The following PTBP2 variants were observed in gnomAD, a reference collection of about 807,000 sequenced individuals.
PTBP2 encodes polypyrimidine tract binding protein 2.
PTBP2 carries 13 observed loss-of-function variants against 61.4 expected under a neutral mutation model. The ratio of observed to expected loss-of-function variants is 0.21; its 90% CI spans 0.14 to 0.34. The LOEUF is 0.34. PTBP2 is among the 10% of genes least tolerant of loss of function. The probability of loss-of-function intolerance (pLI) is 1.00; values close to 1 mark genes in which losing one functional copy is unlikely to be tolerated. For synonymous variants in PTBP2, 215 were observed against 218.5 expected (o/e 0.98, Z 0.14); for missense variants, 405 against 642.6 (o/e 0.63, Z 4.00).
intron 2 of PTBP2, among the ~76,000 whole-genome samples, chr1:96,733,469 A>G (rs559519000): frequency 6.6e-6 from 1 of 152,308 alleles, no homozygotes; most frequent in African/African-American, 2.4e-5. Context: ...ACTTGAGCCC[A>G]GGAGTTTGAG....
At chr1:96,792,423 G>A (rs189223041) in intron 8 of PTBP2, among the ~76,000 whole-genome samples, 1 of 152,244 alleles carries the variant, frequency 6.6e-6, no homozygotes, top group East Asian at 1.9e-4. Flanking sequence ...CCGAGCCCTA[G>A]CACTGAAAGC....
exon 14 of PTBP2, chr1:96,821,475 C>T (rs996729915): frequency 1.3e-5 from 2 of 151,848 alleles, no homozygotes; most frequent in Non-Finnish European, 2.9e-5. Flanking sequence ...CATTATTATG[C>T]TTTCAAGTAA....
intron 4 of PTBP2, 80 bp downstream of exon 4, chr1:96,769,955 T>C (rs1358118314): frequency 2.7e-6 from 3 of 1,129,058 alleles, no homozygotes; most frequent in South Asian, 2.3e-5. Flanking sequence ...AGGGAGAAAA[T>C]AGTAGGTTAT....
At chr1:96,758,580 T>C (rs538182020) in intron 3 of PTBP2, among the ~76,000 whole-genome samples, 1 of 152,048 alleles carries the variant, frequency 6.6e-6, no homozygotes, top group African/African-American at 2.4e-5. Context: ...TGTTTAACAT[T>C]TGAAAATGAA....
At chr1:96,796,252 A>G (rs1436540792) in intron 8 of PTBP2, among the ~76,000 whole-genome samples, 2 of 151,182 alleles carry the variant, frequency 1.3e-5, no homozygotes, top group African/African-American at 4.9e-5. Context: ...CAACATTTTG[A>G]GACCAGCCTG....
chr1:96,730,515 G>A (rs1206464304), intron 2 of PTBP2, among the ~76,000 whole-genome samples: 4 of 151,976 alleles, frequency 2.6e-5, no homozygotes, highest in Admixed American at 1.3e-4. Context: ...ATATCTTTCT[G>A]TTATGTATTC....
intron 2 of PTBP2, among the ~76,000 whole-genome samples, chr1:96,735,405 G>A (rs1652034194): frequency 1.3e-5 from 2 of 152,138 alleles, no homozygotes; most frequent in Non-Finnish European, 2.9e-5. Flanking sequence ...GACTTTTATA[G>A]CATTGAACAG....
At chr1:96,743,854 T>G (rs920720993) in intron 2 of PTBP2, among the ~76,000 whole-genome samples, 5 of 152,144 alleles carry the variant, frequency 3.3e-5, no homozygotes, top group Non-Finnish European at 5.9e-5. Flanking sequence ...GCTAAGCAGC[T>G]TGTATGGTGT....
chr1:96,821,072 C>T (rs1045386823), exon 14 of PTBP2: 2 of 152,134 alleles, frequency 1.3e-5, no homozygotes, highest in African/African-American at 4.8e-5. Flanking sequence ...TCCATTTTCT[C>T]ATCTGTACAA....
intron 2 of PTBP2, among the ~76,000 whole-genome samples, chr1:96,744,480 A>G (rs1373847817): frequency 2.0e-5 from 3 of 152,184 alleles, no homozygotes; most frequent in African/African-American, 7.2e-5. Context: ...ATGTCTTATT[A>G]CATAGAACAG....
chr1:96,763,202 G>A (rs1188928519), intron 3 of PTBP2, among the ~76,000 whole-genome samples: 4 of 152,092 alleles, frequency 2.6e-5, no homozygotes, highest in East Asian at 2.0e-4. Context: ...CTGCAATCTC[G>A]GCACTTTGGG....
chr1:96,803,914 A>G (rs1372612710), intron 8 of PTBP2, among the ~76,000 whole-genome samples: 2 of 152,190 alleles, frequency 1.3e-5, no homozygotes, highest in Non-Finnish European at 2.9e-5. Context: ...TTTATGAGAA[A>G]TAAGCTGGGT....
At chr1:96,747,944 T>G (rs1654060074) in intron 2 of PTBP2, among the ~76,000 whole-genome samples, 1 of 152,184 alleles carries the variant, frequency 6.6e-6, no homozygotes, top group Non-Finnish European at 1.5e-5. Context: ...TACCATTGTT[T>G]TCTCTATTTT....
At chr1:96,786,663 T>C (rs1304138341) in intron 8 of PTBP2, among the ~76,000 whole-genome samples, 1 of 152,222 alleles carries the variant, frequency 6.6e-6, no homozygotes, top group East Asian at 1.9e-4. Context: ...GCTAGGCACT[T>C]GGCAGATACA....
intron 8 of PTBP2, among the ~76,000 whole-genome samples, chr1:96,790,667 G>T (rs1048066302): frequency 7.2e-5 from 11 of 152,050 alleles, no homozygotes; most frequent in African/African-American, 2.7e-4. Flanking sequence ...CCCAGCTTTT[G>T]TTTTCAGGTA....
intron 3 of PTBP2, among the ~76,000 whole-genome samples, chr1:96,762,868 G>C (rs936130436): frequency 6.6e-6 from 1 of 151,698 alleles, no homozygotes; most frequent in Non-Finnish European, 1.5e-5. Flanking sequence ...CAGATGGGGC[G>C]GCCGGGCCGA....
At chr1:96,732,765 G>A (rs1044245956) in intron 2 of PTBP2, among the ~76,000 whole-genome samples, 4 of 152,146 alleles carry the variant, frequency 2.6e-5, no homozygotes, top group Non-Finnish European at 2.9e-5. Context: ...AGCAACAGGC[G>A]TTGAGAGAAG....
chr1:96,758,083 A>G (rs1203333521), intron 3 of PTBP2, among the ~76,000 whole-genome samples: 1 of 152,086 alleles, frequency 6.6e-6, no homozygotes, highest in Non-Finnish European at 1.5e-5. Context: ...TAAATAATAT[A>G]AAGTGGAGAT....
At chr1:96,801,068 G>A (rs948187203) in intron 8 of PTBP2, among the ~76,000 whole-genome samples, 1 of 152,046 alleles carries the variant, frequency 6.6e-6, no homozygotes, top group Non-Finnish European at 1.5e-5. Flanking sequence ...AAGATATGAA[G>A]CAGTTTTTCA....
Sources: allele counts gnomAD v4.1 joint callset (sites outside exome capture counted in the v4.1 genomes callset), GRCh38; gene constraint gnomAD v4.1.1; transcripts MANE v1.5; gene names NCBI Gene and HGNC (gene_info 2026-07-23, HGNC 2026-07-21).